Variants in TTC3 observed in about 807,000 individuals in gnomAD.
The protein encoded by TTC3 is E3 ubiquitin-protein ligase TTC3.
A neutral mutation model predicts 249.6 loss-of-function variants in TTC3; 180 were observed. That is an observed-to-expected ratio of 0.72 (90% confidence interval 0.64 to 0.82). TTC3 has a LOEUF of 0.82. Ranked by LOEUF, TTC3 falls within the 40% of genes least tolerant of loss-of-function variation. The pLI, the probability that TTC3 is intolerant of heterozygous loss-of-function variation, is 0.00. For missense variants in TTC3, 2,061 were observed against 2,398.4 expected, an observed-to-expected ratio of 0.86 and a Z score of 2.94; for synonymous variants, 717 against 805.0, an observed-to-expected ratio of 0.89 and a Z score of 1.85.
At chr21:37,152,350 A>T (rs2079546136) in intron 26 of TTC3, among the ~76,000 whole-genome samples, 6 of 151,328 alleles carry the variant, frequency 4.0e-5, no homozygotes, top group Admixed American at 3.3e-4. Flanking sequence ...TTGTTGAAGG[A>T]AGTGGCCGTA....
At chr21:37,195,784 T>C (rs2084834089) in exon 42 of TTC3, 1 of 1,614,188 alleles carries the variant, frequency 6.2e-7, no homozygotes, top group Non-Finnish European at 8.5e-7. Flanking sequence ...GATCCTAGTG[T>C]GTTCTCTGCT....
rs2076630886 is a variant in TTC3, at chr21:37,122,107, T to C, written c.1063+128T>C. On this transcript the variant is annotated intron_variant, in intron 12 of 45. Coordinates refer to ENST00000355666, the Ensembl canonical transcript of TTC3. ...GATTTATCCTTATTTTATCATGTTA[T>C]CTTGGTCATGGCACTTGAGTTTTTC... The C allele has an allele frequency of 2.9e-5, 25 of 862,896 alleles. No individual in the cohort carries two copies. The South Asian group carries it at 4.8e-4, about 17-fold the overall frequency. 53.5% of individuals were successfully genotyped at this position (862,896 alleles called of 1,614,324 possible).
intron 31 of TTC3, among the ~76,000 whole-genome samples, chr21:37,162,667 C>T (rs112286034): frequency 0.014 from 12 of 856 alleles, no homozygotes; most frequent in African/African-American, 0.047. Context: ...TTAAAAATTA[C>T]GTGGTCATTT....
At chr21:37,201,288 G>A (rs1027156602) in intron 45 of TTC3, 152 bp from the exon 46 acceptor site, 2 of 934,122 alleles carry the variant, frequency 2.1e-6, no homozygotes, top group African/African-American at 3.3e-5. Flanking sequence ...TCTGGCCTGA[G>A]CGGGTGTTGG....
Position 37,107,326 on chromosome 21 carries a change from G to T in TTC3, c.846-1066G>T, listed in dbSNP as rs144354972. Among the ~76,000 whole-genome samples, 225 of 152,258 alleles carry T rather than the reference G, an allele frequency of 1.5e-3. 2 individuals are homozygous for T. The highest frequency in any genetic ancestry group is 4.9e-3 in the African/African-American group (205 of 41,540). On this transcript the variant is annotated intron_variant, in intron 10 of 45. Coordinates refer to ENST00000355666, the Ensembl canonical transcript of TTC3. Reference sequence around the variant, plus strand: ...GGGATAAGCAAGGTTATAGTGAGAGGTGGATACCTGAATTAGTGATTGAAC... The same window carrying T: ...GGGATAAGCAAGGTTATAGTGAGAGTTGGATACCTGAATTAGTGATTGAAC...
At chr21:37,104,714 A>G (rs1475184327) in intron 10 of TTC3, among the ~76,000 whole-genome samples, 2 of 152,152 alleles carry the variant, frequency 1.3e-5, no homozygotes, top group Non-Finnish European at 2.9e-5. Context: ...TGTTTGGAAT[A>G]GCCAGCCTCC....
In TTC3 at chr21:37,143,437, T is replaced by C. The variant is rs2147973099; in HGVS notation, c.1773-1088T>C. Among the ~76,000 whole-genome samples the C allele has an allele frequency of 2.0e-5, 3 of 152,142 alleles. No individual in the cohort carries two copies. In the South Asian group the frequency reaches 6.2e-4, roughly 32 times the overall value. ...CCCATCAAAAAGTGGGCAAAGGATA[T>C]GAACAGACACTTCTCAAAAGAAGAC... On this transcript the variant is annotated intron_variant, in intron 20 of 45. Transcript: ENST00000355666.
At chr21:37,088,764 A>G (rs201239881) in intron 4 of TTC3, 35 bp from the exon 5 acceptor site, 1 of 1,564,964 alleles carries the variant, frequency 6.4e-7, no homozygotes, top group Non-Finnish European at 8.7e-7. Context: ...TATATATGAG[A>G]ATCTAATCTT....
At chr21:37,103,580 T>TA (rs2074737873) in intron 10 of TTC3, among the ~76,000 whole-genome samples, 1 of 152,202 alleles carries the variant, frequency 6.6e-6, no homozygotes, top group African/African-American at 2.4e-5. Flanking sequence ...ATTAATTGCA[T>TA]TCATATACTA....
chr21:37,187,169 C>T (rs1244575440), intron 38 of TTC3, 24 bp downstream of exon 38: 1 of 1,494,790 alleles, frequency 6.7e-7, no homozygotes, highest in Non-Finnish European at 9.1e-7. Context: ...ACTTAGTGAC[C>T]ACTATGGCAT....
chr21:37,081,367 C>T (rs2071633297), intron 1 of TTC3, among the ~76,000 whole-genome samples: 1 of 152,038 alleles, frequency 6.6e-6, no homozygotes, highest in Middle Eastern at 3.2e-3. Flanking sequence ...CTGTCCGCCT[C>T]AGCCTCCCAA....
intron 21 of TTC3, among the ~76,000 whole-genome samples, chr21:37,146,916 A>T (rs1569049688): frequency 1.3e-5 from 2 of 152,192 alleles, no homozygotes. Flanking sequence ...TTCATACAAG[A>T]TTGGGATAGA....
chr21:37,183,053 T>C (rs891925759), intron 36 of TTC3, 140 bp downstream of exon 36: 3 of 817,186 alleles, frequency 3.7e-6, no homozygotes, highest in Middle Eastern at 8.1e-4. Context: ...TTTTGTCTCA[T>C]TTAAAAAAGT....
At chr21:37,073,300 G>GGCA in exon 1 of TTC3, 1 of 332,628 alleles carries the variant, frequency 3.0e-6, no homozygotes, top group Non-Finnish European at 4.0e-6. Flanking sequence ...CGGAGGTGGC[G>GGCA]GCGGCGGCGG....
chr21:37,088,929 T>TA (rs748924590), intron 5 of TTC3, 43 bp downstream of exon 5: 39 of 1,550,602 alleles, frequency 2.5e-5, no homozygotes, highest in Middle Eastern at 3.4e-4. Context: ...TTGGTTTAAA[T>TA]AATATAAGCA....
At chr21:37,109,394 A>T (rs763722151) in intron 11 of TTC3, among the ~76,000 whole-genome samples, 1 of 152,186 alleles carries the variant, frequency 6.6e-6, no homozygotes, top group Non-Finnish European at 1.5e-5. Context: ...GGCTTATCAA[A>T]CGGCACACCA....
intron 11 of TTC3, among the ~76,000 whole-genome samples, chr21:37,118,527 A>C (rs1415278750): frequency 1.3e-5 from 2 of 152,216 alleles, no homozygotes; most frequent in Non-Finnish European, 2.9e-5. Flanking sequence ...AAATGTCCTC[A>C]AGAACATTTA....
chr21:37,148,612 T>C (rs1466935462), exon 23 of TTC3: 1 of 1,605,676 alleles, frequency 6.2e-7, no homozygotes, highest in South Asian at 1.1e-5. Context: ...CTGGAAGAAG[T>C]TAAAAACTAC....
intron 16 of TTC3, among the ~76,000 whole-genome samples, chr21:37,130,217 A>G (rs1302159657): frequency 6.6e-6 from 1 of 152,140 alleles, no homozygotes; most frequent in Non-Finnish European, 1.5e-5. Flanking sequence ...CCATTTTTGG[A>G]TGCTGCTACA....
Sources: allele counts gnomAD v4.1 joint callset (sites outside exome capture counted in the v4.1 genomes callset), GRCh38; gene constraint gnomAD v4.1.1; transcripts MANE v1.5; gene names NCBI Gene and HGNC (gene_info 2026-07-23, HGNC 2026-07-21).